CHST6: variants seen among roughly 807,000 people sequenced by gnomAD.
CHST6 encodes N-acetylglucosamine 6-O-sulfotransferase 5.
For missense variants in CHST6, 698 were observed against 586.2 expected, an observed-to-expected ratio of 1.19 and a Z score of -1.97; for synonymous variants, 309 against 276.4, an observed-to-expected ratio of 1.12 and a Z score of -1.17.
chr16:75,480,160 C>G (rs2080124311), intron 2 of CHST6, among the ~76,000 whole-genome samples: 2 of 152,138 alleles, frequency 1.3e-5, no homozygotes, highest in South Asian at 4.1e-4. Context: ...TTACCATTGT[C>G]TATTTGGAGA....
intron 1 of CHST6, among the ~76,000 whole-genome samples, chr16:75,491,099 A>C (rs1367525529): frequency 7.1e-6 from 1 of 140,678 alleles, no homozygotes; most frequent in African/African-American, 2.6e-5. Flanking sequence ...AGGAAGGCAG[A>C]GTTTGCAGTG....
intron 1 of CHST6, among the ~76,000 whole-genome samples, chr16:75,486,509 A>G (rs1198772999): frequency 1.3e-5 from 2 of 152,068 alleles, no homozygotes. Flanking sequence ...TATTCCACAC[A>G]CTGACCCTGC....
At position 75,479,817 on chromosome 16, in the gene CHST6, C is replaced by T. The variant is rs1377686541; in HGVS notation, c.12G>A (p.Pro4=). Reference sequence around the variant, plus strand: ...CGGTCACTGCTGTGCTGGAGACGCGCGGCAGCCACATGCTGACTGCTGGGG... The same window carrying T: ...CGGTCACTGCTGTGCTGGAGACGCGTGGCAGCCACATGCTGACTGCTGGGG... The part of the protein sequence containing the change: MWL[P]RVSSTAVTAL... Residue 4 remains proline (P), a synonymous_variant, in exon 3 of 3, where the codon CCG becomes CCA. Coordinates refer to ENST00000332272, the MANE Select transcript of CHST6 (RefSeq NM_021615.5). 12 of 1,560,020 alleles carry T rather than the reference C, an allele frequency of 7.7e-6. No homozygotes were observed. The highest frequency in any genetic ancestry group is 9.5e-6 in the Non-Finnish European group (11 of 1,154,516).
chr16:75,489,555 A>C (rs1270986156), intron 1 of CHST6, among the ~76,000 whole-genome samples: 1 of 152,022 alleles, frequency 6.6e-6, no homozygotes, highest in Admixed American at 6.5e-5. Context: ...GCTGACATAC[A>C]TATATACATT....
chr16:75,491,622 A>T (rs1312396085), intron 1 of CHST6, among the ~76,000 whole-genome samples: 1 of 152,074 alleles, frequency 6.6e-6, no homozygotes, highest in Non-Finnish European at 1.5e-5. Flanking sequence ...CGCCTGCCTC[A>T]GTCTCCCAAA....
At chr16:75,480,568 T>TG (rs1375647414) in intron 2 of CHST6, among the ~76,000 whole-genome samples, 1 of 85,192 alleles carries the variant, frequency 1.2e-5, no homozygotes, top group Non-Finnish European at 2.3e-5. Flanking sequence ...CTGCAGTGTA[T>TG]GATTTTTTTT....
chr16:75,494,487 C>G (rs969221259), intron 1 of CHST6, among the ~76,000 whole-genome samples: 4 of 152,192 alleles, frequency 2.6e-5, no homozygotes, highest in African/African-American at 9.6e-5. Context: ...GGAAAGTCAA[C>G]ATTTGCTAGG....
rs757474510 is a variant in CHST6 at position 75,479,682 on chromosome 16, C to T, written c.147G>A (p.Trp49Ter). The T allele has an allele frequency of 1.2e-6, 2 of 1,612,324 alleles. No homozygotes were observed. The highest frequency in any genetic ancestry group is 1.1e-5 in the South Asian group (1 of 90,994). Residue 49 changes from tryptophan to a stop codon, truncating the protein, a stop_gained, in exon 3 of 3, where the codon TGG (tryptophan) becomes TGA (stop). Coordinates refer to ENST00000332272, the MANE Select transcript of CHST6 (RefSeq NM_021615.5). LOFTEE classifies it low-confidence loss of function (END_TRUNC). Reference protein sequence around the residue: ...ARVHVLVLSSWRSGSSFVGQL... With the variant: ...ARVHVLVLSS ...GGCCCACGAAGGACGAGCCCGAGCG[C>T]CACGAGGACAGCACCAGCACATGCA...
At chr16:75,485,590 C>T (rs2080187674) in intron 1 of CHST6, among the ~76,000 whole-genome samples, 1 of 152,120 alleles carries the variant, frequency 6.6e-6, no homozygotes, top group East Asian at 1.9e-4. Context: ...CCTTAGTTTT[C>T]CTTGGGGCTA....
chr16:75,487,279 G>T lies in CHST6; in HGVS notation c.-91-5388C>A, dbSNP rs139008835. 7.9e-5 allele frequency among the ~76,000 whole-genome samples: 12 copies of T among 152,320 alleles called. No homozygotes were observed. The East Asian group carries it at 2.3e-3, about 29-fold the overall frequency. ...TAGGAAAAGCAAGACATTGACCAAG[G>T]ATGGTTTTCCATAGCAGGGTTGAGC... On this transcript the variant is annotated intron_variant, in intron 1 of 2. Transcript: ENST00000332272.
In CHST6 at chr16:75,478,677, A is replaced by G; in HGVS notation, c.1152T>C (p.Thr384=). 9.3e-6 allele frequency: 15 copies of G among 1,613,728 alleles called. No individual in the cohort carries two copies. Among genetic ancestry groups the G allele is most frequent in the Admixed American group, 1.7e-5 (1 of 60,030 alleles). Residue 384 remains threonine (T), a synonymous_variant, in exon 3 of 3, where the codon ACT becomes ACC. Coordinates refer to ENST00000332272, the MANE Select transcript of CHST6 (RefSeq NM_021615.5). The part of the protein sequence containing the change: ...LVLPRGLNGF[T]WASSTASHPR... ...GGTGCGAGGCGGTGGATGATGCCCA[A>G]GTGAAGCCGTTCAGGCCTCGTGGCA...
At position 75,478,779 on chromosome 16, in the gene CHST6, A is replaced by G. The variant is rs780495510; in HGVS notation, c.1050T>C (p.Ala350=). ...AKIRRVQELC[A]GALQLLGYRP... is the part of the protein sequence containing the mutation. The stretch of plus-strand genomic sequence containing the variant: ...GGTAGCCCAGCAGCTGCAGCGCACC[A>G]GCGCACAGTTCCTGCACGCGGCGGA... Residue 350 remains alanine, a synonymous_variant, in exon 3 of 3, where the codon GCT becomes GCC. Transcript: ENST00000332272. 3.7e-6 allele frequency: 6 copies of G among 1,613,496 alleles called. No homozygotes were observed. Among genetic ancestry groups the G allele is most frequent in the African/African-American group, 1.3e-5 (1 of 75,078 alleles).
intron 1 of CHST6, among the ~76,000 whole-genome samples, chr16:75,484,688 A>G (rs1003811420): frequency 1.3e-5 from 2 of 152,028 alleles, no homozygotes; most frequent in African/African-American, 2.4e-5. Flanking sequence ...TACTAAAAAT[A>G]CAAAAATTAG....
In CHST6 at chr16:75,479,476, G is replaced by C. The variant is rs777469735; in HGVS notation, c.353C>G (p.Ser118Cys). The C allele has an allele frequency of 2.3e-5, 37 of 1,612,838 alleles. No homozygotes were observed. In the East Asian group the frequency reaches 7.4e-4, roughly 32 times the overall value. ...GCTCACGGCCCACTGGAAGAGGTCG[G>C]ACAGGTTGCGGCGCCAAGGCAGATA... ...DAYLPWRRNL[S>C]DLFQWAVSRA... Residue 118 changes from serine (S) to cysteine (C), a missense_variant, in exon 3 of 3, where the codon TCC (serine) becomes TGC (cysteine). Physicochemically the swap from Ser to Cys is moderately radical, Grantham distance 112 (BLOSUM62 -1). Coordinates refer to ENST00000332272, the MANE Select transcript of CHST6 (RefSeq NM_021615.5).
rs1444599252 is a variant in CHST6 at position 75,479,125 on chromosome 16, G to A, written c.704C>T (p.Ala235Val). 3 of 1,605,726 alleles carry A rather than the reference G, an allele frequency of 1.9e-6. No homozygotes were observed. The highest frequency in any genetic ancestry group is 2.5e-6 in the Non-Finnish European group (3 of 1,178,744). Residue 235 changes from alanine to valine, a missense_variant, in exon 3 of 3, where the codon GCC becomes GTC. By Grantham distance (64) the Ala-to-Val change is moderately conservative (BLOSUM62 0). Transcript: ENST00000332272. The part of the protein sequence containing the change: ...VLGTNGTWVE[A>V]DPGLRVVREV... ...GCGCACCACGCGCAGGCCGGGGTCG[G>A]CCTCCACCCACGTGCCGTTGGTGCC...
intron 2 of CHST6, among the ~76,000 whole-genome samples, chr16:75,480,508 CAT>C (rs2080128282): frequency 6.6e-6 from 1 of 150,948 alleles, no homozygotes; most frequent in South Asian, 2.1e-4. Context: ...ACAGGAGAGA[CAT>C]GTAGTAATGT....
chr16:75,487,799 T>TC (rs1412917037), intron 1 of CHST6, among the ~76,000 whole-genome samples: 1 of 80,512 alleles, frequency 1.2e-5, no homozygotes, highest in Admixed American at 1.6e-4. Context: ...TGAGACTCCG[T>TC]CCCCCCTAAA....
intron 1 of CHST6, among the ~76,000 whole-genome samples, chr16:75,483,631 C>T (rs1031267745): frequency 6.6e-6 from 1 of 152,152 alleles, no homozygotes; most frequent in Non-Finnish European, 1.5e-5. Flanking sequence ...CATCCCAAGT[C>T]CCTGGGAGGC....
chr16:75,487,558 G>C (rs2080212146), intron 1 of CHST6, among the ~76,000 whole-genome samples: 1 of 152,038 alleles, frequency 6.6e-6, no homozygotes, highest in Non-Finnish European at 1.5e-5. Flanking sequence ...CATAGCACTT[G>C]GGAGGCTGAG....
Sources: allele counts gnomAD v4.1 joint callset (sites outside exome capture counted in the v4.1 genomes callset), GRCh38; gene constraint gnomAD v4.1.1; transcripts MANE v1.5; gene names NCBI Gene and HGNC (gene_info 2026-07-23, HGNC 2026-07-21).